The following PACRG variants were observed in gnomAD, a reference collection of about 807,000 sequenced individuals.
PACRG encodes parkin coregulated, also known as parkin coregulated gene protein.
In PACRG, 29 loss-of-function variants were observed where a neutral mutation model predicts 29.7. The observed-to-expected ratio is 0.98, with a 90% CI of 0.73 to 1.33. PACRG has a LOEUF of 1.33. Ranked by LOEUF, PACRG falls within the 40% of genes most tolerant of loss-of-function variation. The pLI is 0.00. For missense variants in PACRG, 279 were observed against 316.2 expected, an observed-to-expected ratio of 0.88 and a Z score of 0.89; for synonymous variants, 116 against 118.7, an observed-to-expected ratio of 0.98 and a Z score of 0.15.
intron 4 of PACRG, among the ~76,000 whole-genome samples, chr6:163,202,113 A>C (rs1319030835): frequency 6.6e-6 from 1 of 152,134 alleles, no homozygotes; most frequent in Non-Finnish European, 1.5e-5. Context: ...GGGTTCTGGG[A>C]AGCAGGGGAA....
At chr6:162,818,913 T>C (rs999616226) in intron 2 of PACRG, among the ~76,000 whole-genome samples, 2 of 152,120 alleles carry the variant, frequency 1.3e-5, no homozygotes, top group East Asian at 1.9e-4. Flanking sequence ...CACCCTTTTA[T>C]GCATGCAACA....
At chr6:163,145,645 T>C (rs1290443281) in intron 4 of PACRG, among the ~76,000 whole-genome samples, 1 of 152,192 alleles carries the variant, frequency 6.6e-6, no homozygotes, top group African/African-American at 2.4e-5. Flanking sequence ...CATCCCACAC[T>C]ACACAGGACA....
At chr6:162,966,569 C>T (rs953346544) in intron 2 of PACRG, among the ~76,000 whole-genome samples, 25 of 150,446 alleles carry the variant, frequency 1.7e-4, no homozygotes, top group East Asian at 1.2e-3. Context: ...CTCCGCCTCC[C>T]GGGTTCATGC....
intron 2 of PACRG, among the ~76,000 whole-genome samples, chr6:162,863,296 G>A (rs1194473306): frequency 4.6e-5 from 7 of 152,216 alleles, no homozygotes; most frequent in African/African-American, 1.7e-4. Context: ...TAAAACCAGA[G>A]AGTTGGGCTA....
chr6:163,179,983 C>G (rs983271545), intron 4 of PACRG, among the ~76,000 whole-genome samples: 1 of 152,238 alleles, frequency 6.6e-6, no homozygotes, highest in Non-Finnish European at 1.5e-5. Flanking sequence ...TGGACACATG[C>G]CTGGCTGGCT....
At chr6:163,269,027 A>G (rs1783639523) in intron 4 of PACRG, among the ~76,000 whole-genome samples, 1 of 152,238 alleles carries the variant, frequency 6.6e-6, no homozygotes, top group South Asian at 2.1e-4. Flanking sequence ...GCAACAGCCA[A>G]TTGGAAATGT....
intron 2 of PACRG, among the ~76,000 whole-genome samples, chr6:162,871,464 C>T (rs931819490): frequency 1.3e-5 from 2 of 152,172 alleles, no homozygotes; most frequent in African/African-American, 4.8e-5. Context: ...TAAGATCTGC[C>T]ATAGTGGCCT....
intron 1 of PACRG, among the ~76,000 whole-genome samples, chr6:162,734,789 A>G (rs564134476): frequency 6.6e-6 from 1 of 152,340 alleles, no homozygotes. Context: ...CACATATTGT[A>G]AGTGAATCAC....
At chr6:162,801,543 A>C (rs566901867) in intron 1 of PACRG, among the ~76,000 whole-genome samples, 1 of 152,224 alleles carries the variant, frequency 6.6e-6, no homozygotes, top group African/African-American at 2.4e-5. Flanking sequence ...AATGTAATTT[A>C]TTATAATATG....
At chr6:162,902,632 A>C (rs1220933472) in intron 2 of PACRG, among the ~76,000 whole-genome samples, 1 of 152,230 alleles carries the variant, frequency 6.6e-6, no homozygotes, top group East Asian at 1.9e-4. Context: ...ATGTATACAG[A>C]ATACTTAAGT....
chr6:163,299,748 G>A (rs368152898), intron 4 of PACRG, among the ~76,000 whole-genome samples: 8 of 152,124 alleles, frequency 5.3e-5, no homozygotes, highest in African/African-American at 9.7e-5. Flanking sequence ...GCATGGGGGC[G>A]CGTGCCTGTA....
At chr6:163,149,180 T>A (rs1368455340) in intron 4 of PACRG, among the ~76,000 whole-genome samples, 1 of 151,796 alleles carries the variant, frequency 6.6e-6, no homozygotes, top group African/African-American at 2.4e-5. Context: ...CCTCCCCTTC[T>A]GCACAGTCCA....
chr6:163,227,589 C>G (rs368152199), intron 4 of PACRG, among the ~76,000 whole-genome samples: 2 of 152,216 alleles, frequency 1.3e-5, no homozygotes, highest in African/African-American at 4.8e-5. Flanking sequence ...GCAGAGCCAG[C>G]AGCCTACCCA....
chr6:162,744,523 A>C (rs1414945430), intron 1 of PACRG, among the ~76,000 whole-genome samples: 5 of 152,184 alleles, frequency 3.3e-5, no homozygotes, highest in Non-Finnish European at 5.9e-5. Context: ...TGAGCACAGG[A>C]GACCAAGGCT....
intron 2 of PACRG, among the ~76,000 whole-genome samples, chr6:162,875,578 TATC>T (rs1295086619): frequency 6.6e-6 from 1 of 152,360 alleles, no homozygotes; most frequent in Non-Finnish European, 1.5e-5. Flanking sequence ...CTGAAAGAAA[TATC>T]ATCTTTATTA....
chr6:163,280,869 G>T (rs926239414), intron 4 of PACRG, among the ~76,000 whole-genome samples: 1 of 152,134 alleles, frequency 6.6e-6, no homozygotes, highest in African/African-American at 2.4e-5. Flanking sequence ...TGGGGGTTAG[G>T]ACTTCAACAT....
chr6:163,257,579 C>T (rs1480272013), intron 4 of PACRG, among the ~76,000 whole-genome samples: 1 of 152,156 alleles, frequency 6.6e-6, no homozygotes, highest in Non-Finnish European at 1.5e-5. Context: ...TCAAATATCT[C>T]ATAGAGTTAA....
chr6:163,092,782 A>G (rs1814229014), intron 4 of PACRG, among the ~76,000 whole-genome samples: 1 of 152,254 alleles, frequency 6.6e-6, no homozygotes, highest in Non-Finnish European at 1.5e-5. Flanking sequence ...CATTATGATT[A>G]CACAACATTA....
chr6:162,812,326 A>G (rs1264935255), intron 1 of PACRG, among the ~76,000 whole-genome samples: 1 of 152,134 alleles, frequency 6.6e-6, no homozygotes, highest in Non-Finnish European at 1.5e-5. Context: ...ATAAAATAAA[A>G]TAAATGAGGC....
Sources: allele counts gnomAD v4.1 joint callset (sites outside exome capture counted in the v4.1 genomes callset), GRCh38; gene constraint gnomAD v4.1.1; transcripts MANE v1.5; gene names NCBI Gene and HGNC (gene_info 2026-07-23, HGNC 2026-07-21).